NUP58: variants seen among roughly 807,000 people sequenced by gnomAD.
NUP58 encodes the protein nucleoporin 58, also known as nucleoporin p58/p45.
NUP58 carries 17 observed loss-of-function variants against 70.1 expected under a neutral mutation model. The observed-to-expected ratio is 0.24, with a 90% confidence interval of 0.17 to 0.36. The LOEUF (loss-of-function observed/expected upper bound fraction) is 0.36. Ranked by LOEUF, NUP58 falls within the 10% of genes least tolerant of loss-of-function variation. The probability of loss-of-function intolerance (pLI) is 1.00; values close to 1 mark genes in which losing one functional copy is unlikely to be tolerated. For synonymous variants in NUP58, 275 were observed against 257.6 expected (o/e 1.07, Z -0.65); for missense variants, 644 against 701.5 (o/e 0.92, Z 0.93).
intron 4 of NUP58, among the ~76,000 whole-genome samples, chr13:25,313,366 A>G (rs1174539704): frequency 1.3e-5 from 2 of 152,208 alleles, no homozygotes; most frequent in African/African-American, 4.8e-5. Flanking sequence ...GTTGAAGACA[A>G]TATTGCTATC....
At chr13:25,310,978 T>C (rs2030636928) in intron 3 of NUP58, among the ~76,000 whole-genome samples, 1 of 152,140 alleles carries the variant, frequency 6.6e-6, no homozygotes, top group South Asian at 2.1e-4. Flanking sequence ...GTCAGTCTGT[T>C]GTGAGGTGAA....
chr13:25,327,293 C>G lies in NUP58; in HGVS notation c.1151-137C>G, dbSNP rs542257709. ...TTCAGTCTGCTACTCTGTGTGTTCTCTGGCCATGAGAACGTTGATAGAGTT... is the reference window on the plus strand; with the variant it reads ...TTCAGTCTGCTACTCTGTGTGTTCTGTGGCCATGAGAACGTTGATAGAGTT... On this transcript the variant is annotated intron_variant, in intron 11 of 15. Coordinates refer to ENST00000381736, the MANE Select transcript of NUP58 (RefSeq NM_014089.4). 3 of 588,840 alleles carry G rather than the reference C, an allele frequency of 5.1e-6. No individual in the cohort carries two copies. In the Admixed American group the frequency reaches 1.0e-4, roughly 20 times the overall value. 36.5% of individuals were successfully genotyped at this position (588,840 alleles called of 1,614,324 possible).
chr13:25,332,984 T>C (rs1193439502), intron 13 of NUP58: 16 of 982,844 alleles, frequency 1.6e-5, no homozygotes, highest in Non-Finnish European at 1.9e-5. Flanking sequence ...GTAGATTTGG[T>C]TAAGTGTTCT....
At chr13:25,335,527 G>T (rs550349493) in intron 13 of NUP58, 10 of 984,926 alleles carry the variant, frequency 1.0e-5, no homozygotes, top group Non-Finnish European at 1.2e-5. Flanking sequence ...TTACAAAAGA[G>T]CTGCTAGGCA....
chr13:25,343,400 T>C (rs1042294079), downstream of NUP58, among the ~76,000 whole-genome samples: 2 of 151,924 alleles, frequency 1.3e-5, no homozygotes, highest in African/African-American at 2.4e-5. Flanking sequence ...TGTATACATG[T>C]GCAGTTTCTT....
intron 1 of NUP58, among the ~76,000 whole-genome samples, chr13:25,302,456 A>G (rs1242976021): frequency 2.6e-5 from 4 of 152,226 alleles, no homozygotes; most frequent in African/African-American, 7.2e-5. Flanking sequence ...GTATGTGCAG[A>G]TTAGTATATC....
chr13:25,344,557 A>G (rs890167042), downstream of NUP58, among the ~76,000 whole-genome samples: 3 of 152,076 alleles, frequency 2.0e-5, no homozygotes, highest in Non-Finnish European at 4.4e-5. Context: ...ATTCTAGGAC[A>G]CTTAGTCTTT....
In NUP58 at chr13:25,333,700, A is replaced by G. The variant is rs115179867; in HGVS notation, c.1435+2142A>G. 1,642 of 985,374 alleles carry G rather than the reference A, an allele frequency of 1.7e-3. 24 individuals are homozygous for G. The African/African-American group carries it at 0.026, about 15-fold the overall frequency. The allele number at this position is 985,374 out of a possible 1,614,324, so 61.0% of individuals were successfully genotyped here. ...TTTCTGAGCTCTGTTAGATACATTT[A>G]GAAATGTCCCTATTTATCAAATGGT... On this transcript the variant is annotated intron_variant, in intron 13 of 15. Coordinates refer to ENST00000381736, the MANE Select transcript of NUP58 (RefSeq NM_014089.4).
At chr13:25,331,292 C>A in intron 12 of NUP58, 65 bp from the exon 13 acceptor site, 2 of 1,412,530 alleles carry the variant, frequency 1.4e-6, no homozygotes, top group Non-Finnish European at 1.0e-6. Context: ...TGGTTATATT[C>A]ATCCACATAT....
At chr13:25,335,566 C>T (rs2031750975) in intron 13 of NUP58, 1 of 982,868 alleles carries the variant, frequency 1.0e-6, no homozygotes, top group South Asian at 4.7e-5. Context: ...TGATCTCAAA[C>T]TGGATGTAAA....
chr13:25,302,939 G>A (rs1345728745), intron 1 of NUP58: 2 of 456,500 alleles, frequency 4.4e-6, no homozygotes, highest in Non-Finnish European at 8.8e-6. Flanking sequence ...CCACAACCCT[G>A]CTTAGGCTAT....
chr13:25,309,526 G>A, intron 3 of NUP58: 1 of 390,748 alleles, frequency 2.6e-6, no homozygotes, highest in South Asian at 5.2e-5. Flanking sequence ...TGTTTTTAAT[G>A]TGGAAGTTTA....
chr13:25,328,152 TCA>T (rs2031470941), intron 12 of NUP58, among the ~76,000 whole-genome samples: 1 of 149,688 alleles, frequency 6.7e-6, no homozygotes, highest in South Asian at 2.1e-4. Flanking sequence ...TGAGCCGAGA[TCA>T]CACCACTGCA....
At chr13:25,315,805 G>A (rs1421614112) in intron 6 of NUP58, among the ~76,000 whole-genome samples, 1 of 152,128 alleles carries the variant, frequency 6.6e-6, no homozygotes. Flanking sequence ...ACTTTGGGAA[G>A]TAAAACACTG....
chr13:25,343,411 C>T (rs1001189661), downstream of NUP58, among the ~76,000 whole-genome samples: 1 of 151,302 alleles, frequency 6.6e-6, no homozygotes, highest in African/African-American at 2.4e-5. Context: ...GCAGTTTCTT[C>T]TCAGAGTAAT....
At chr13:25,306,747 C>A (rs906133056) in intron 1 of NUP58, among the ~76,000 whole-genome samples, 2 of 152,136 alleles carry the variant, frequency 1.3e-5, no homozygotes, top group African/African-American at 4.8e-5. Context: ...AGTTTGTCTT[C>A]CCACCTTTTC....
At chr13:25,345,561 C>T (rs970605750), downstream of NUP58, among the ~76,000 whole-genome samples, 1 of 131,260 alleles carries the variant, frequency 7.6e-6, no homozygotes, top group African/African-American at 2.8e-5. Flanking sequence ...AGCATCATCC[C>T]AGCAACTGGA....
At chr13:25,322,842 G>A (rs1157066090) in intron 9 of NUP58, among the ~76,000 whole-genome samples, 2 of 152,158 alleles carry the variant, frequency 1.3e-5, no homozygotes, top group Non-Finnish European at 2.9e-5. Context: ...CTAGGGAATA[G>A]AAAGAGTTAA....
intron 6 of NUP58, among the ~76,000 whole-genome samples, chr13:25,315,895 T>C (rs1199092839): frequency 2.0e-5 from 3 of 152,178 alleles, no homozygotes; most frequent in Admixed American, 1.3e-4. Flanking sequence ...GTTCAGATCC[T>C]GGCTCAACTG....
Sources: allele counts gnomAD v4.1 joint callset (sites outside exome capture counted in the v4.1 genomes callset), GRCh38; gene constraint gnomAD v4.1.1; transcripts MANE v1.5; gene names NCBI Gene and HGNC (gene_info 2026-07-23, HGNC 2026-07-21).